ZNF37A: variants seen among roughly 807,000 people sequenced by gnomAD.
ZNF37A encodes zinc finger protein 37a (KOX 21).
In ZNF37A, 10 loss-of-function variants were observed where a neutral mutation model predicts 12.3. That is an observed-to-expected ratio of 0.82 (90% CI 0.50 to 1.38). ZNF37A has a LOEUF of 1.38. Among genes scored for constraint, ZNF37A ranks in the 40% most tolerant of loss-of-function variants. The pLI, the probability that ZNF37A is intolerant of heterozygous loss-of-function variation, is 0.00. For missense variants in ZNF37A, 580 were observed against 651.2 expected (o/e 0.89, Z 1.19); for synonymous variants, 207 against 223.0 (o/e 0.93, Z 0.64).
chr10:38,106,811 G>A (rs1026907759), intron 5 of ZNF37A, among the ~76,000 whole-genome samples: 2 of 152,040 alleles, frequency 1.3e-5, no homozygotes, highest in African/African-American at 4.8e-5. Context: ...AGAGAAAAAA[G>A]AATGAAAAGG....
In ZNF37A at chr10:38,117,764, T is replaced by C. The variant is rs200021466; in HGVS notation, c.613T>C (p.Cys205Arg). The C allele has an allele frequency of 4.3e-6, 7 of 1,614,030 alleles. No individual in the cohort carries two copies. The East Asian group carries it at 1.6e-4, about 36-fold the overall frequency. ...AAGAGAAAACCACTATGGTAATGAA[T>C]GTGGAGAAAATATCTTTGAGGAATC... is the stretch of plus-strand genomic sequence containing the variant. ...HPRENHYGNE[C>R]GENIFEESIL... The change falls in exon 8 of 8, where the codon TGT (cysteine) becomes CGT (arginine). Residue 205 changes from cysteine to arginine, a missense_variant. Transcript: ENST00000685332.
chr10:38,108,045 A>C (rs1380499687), intron 5 of ZNF37A, among the ~76,000 whole-genome samples: 2 of 152,200 alleles, frequency 1.3e-5, no homozygotes, highest in African/African-American at 4.8e-5. Context: ...AATTAACAGA[A>C]TATAGATTCT....
intron 5 of ZNF37A, among the ~76,000 whole-genome samples, chr10:38,112,316 G>T (rs1452267004): frequency 6.6e-6 from 1 of 152,028 alleles, no homozygotes; most frequent in Non-Finnish European, 1.5e-5. Context: ...GTCTTTTGAG[G>T]TCTTTGCCAA....
rs1187506988 is a variant in ZNF37A, at chr10:38,117,733, A to G, written c.582A>G (p.Thr194=). 1 of 1,613,958 alleles carries G rather than the reference A, an allele frequency of 6.2e-7. No individual in the cohort carries two copies. The highest frequency in any genetic ancestry group is 1.7e-5 in the Admixed American group (1 of 59,944). The change falls in exon 8 of 8, where the codon ACA becomes ACG. Residue 194 remains threonine (T), a synonymous_variant. Transcript: ENST00000685332. ...CATTTTTCATCACTCATCAGCAAAC[A>G]CATCCAAGAGAAAACCACTATGGTA... ...DMSFFITHQQ[T]HPRENHYGNE...
intron 7 of ZNF37A, among the ~76,000 whole-genome samples, chr10:38,130,564 G>A (rs1039179096): frequency 1.3e-5 from 2 of 152,094 alleles, no homozygotes; most frequent in African/African-American, 4.8e-5. Flanking sequence ...GAGTTTAAGT[G>A]ATTCTCCTGC....
At chr10:38,101,122 G>A (rs1186088850) in intron 5 of ZNF37A, among the ~76,000 whole-genome samples, 1 of 152,092 alleles carries the variant, frequency 6.6e-6, no homozygotes, top group African/African-American at 2.4e-5. Context: ...TCCTCCTGTT[G>A]TGTTGGTTGC....
At chr10:38,112,767 T>C (rs1564932165) in intron 5 of ZNF37A, among the ~76,000 whole-genome samples, 3,021 of 63,004 alleles carry the variant, frequency 0.048, 352 homozygotes, top group African/African-American at 0.064. Context: ...TTTCTTTTCT[T>C]TTCTTTTCTT....
rs71007695 is a variant in ZNF37A, at chr10:38,097,583, C to CAAAAAAAAAAAAAAAAAA, written c.15+965_15+982dup. Among the ~76,000 whole-genome samples the CAAAAAAAAAAAAAAAAAA allele has an allele frequency of 5.2e-4, 32 of 61,946 alleles. 3 individuals carry two copies. The highest frequency in any genetic ancestry group is 8.1e-4 in the Non-Finnish European group (23 of 28,496). 40.6% of individuals were successfully genotyped at this position (61,946 alleles called of 152,430 possible). ...TGGGTGACAGAGTGAGACTCTGTCT[C>CAAAAAAAAAAAAAAAAAA]AAAAAAAAAAAAAAAAAAAAAAAAA... On this transcript the variant is annotated intron_variant, in intron 5 of 7. Coordinates refer to ENST00000685332, the MANE Select transcript of ZNF37A (RefSeq NM_001324250.3).
At chr10:38,103,157 T>C (rs1475126237) in intron 5 of ZNF37A, among the ~76,000 whole-genome samples, 1 of 152,164 alleles carries the variant, frequency 6.6e-6, no homozygotes. Flanking sequence ...CGTTAGTAAC[T>C]CTTGTTATTA....
intron 5 of ZNF37A, among the ~76,000 whole-genome samples, chr10:38,102,466 C>T (rs1480191445): frequency 1.3e-5 from 2 of 152,116 alleles, no homozygotes; most frequent in African/African-American, 4.8e-5. Flanking sequence ...TTGTCCCTGT[C>T]TTTTGTCTTC....
intron 7 of ZNF37A, 71 bp from the exon 8 acceptor site, chr10:38,117,319 A>C: frequency 6.6e-7 from 1 of 1,520,454 alleles, no homozygotes; most frequent in South Asian, 1.4e-5. Flanking sequence ...CCATGCCTTC[A>C]AATATAATGC....
In ZNF37A at chr10:38,114,817, C is replaced by A. The variant is rs2069109892; in HGVS notation, c.78C>A (p.Asp26Glu). 6.2e-7 allele frequency: 1 copy of A among 1,613,884 alleles called. No individual in the cohort carries two copies. The highest frequency in any genetic ancestry group is 8.5e-7 in the Non-Finnish European group (1 of 1,179,980). Residue 26 changes from aspartate (D) to glutamate (E), a missense_variant, in exon 6 of 8, where the codon GAC becomes GAA. Asp to Glu is a conservative substitution (Grantham distance 45). Transcript: ENST00000685332. Reference sequence around the variant, plus strand: ...CTCAAGAGGAGTGGCAGCATCTGGACCCTGCTCAGAGGACCCTGTACAGGG... The same window carrying A: ...CTCAAGAGGAGTGGCAGCATCTGGAACCTGCTCAGAGGACCCTGTACAGGG... ...GFTQEEWQHLDPAQRTLYRDV... is the reference protein window; with the variant it reads ...GFTQEEWQHLEPAQRTLYRDV...
Position 38,114,752 on chromosome 10 carries a change from C to CA in ZNF37A, c.16-2dup. ...CAGACTGAGCAAAATTGTGATTTTC[C>CA]AGGGATCAGTGTCGTTTAGGGATGT... On this transcript the variant is annotated splice_polypyrimidine_tract_variant and splice_region_variant and intron_variant, in intron 5 of 7. Transcript: ENST00000685332. 6.2e-7 allele frequency: 1 copy of CA among 1,613,810 alleles called. No individual in the cohort carries two copies. The highest frequency in any genetic ancestry group is 8.5e-7 in the Non-Finnish European group (1 of 1,179,928).
At position 38,112,735 on chromosome 10, in the gene ZNF37A, CT is replaced by C. The variant is rs1225969782; in HGVS notation, c.16-2016del. On this transcript the variant is annotated intron_variant, in intron 5 of 7. Transcript: ENST00000685332. The stretch of plus-strand genomic sequence containing the variant: ...CAATTCTGTATTTTACATCCATTTT[CT>C]TTTCTTTTCTTTTCTTTTCTTTTCT... 2.1e-4 allele frequency among the ~76,000 whole-genome samples: 5 copies of C among 24,100 alleles called. 1 individual carries two copies. Among genetic ancestry groups the C allele is most frequent in the Non-Finnish European group, 3.5e-4 (4 of 11,574 alleles). 15.8% of individuals were successfully genotyped at this position (24,100 alleles called of 152,430 possible).
chr10:38,137,583 T>G (rs1252539307), intron 7 of ZNF37A: 2 of 152,222 alleles, frequency 1.3e-5, no homozygotes, highest in Non-Finnish European at 2.9e-5. Flanking sequence ...CCCTGGTGTT[T>G]GGAAGGCCAG....
At position 38,102,035 on chromosome 10, in the gene ZNF37A, C is replaced by T. The variant is rs57907668; in HGVS notation, c.15+5403C>T. Among the ~76,000 whole-genome samples the T allele has an allele frequency of 4.2e-3, 632 of 151,976 alleles. 32 individuals are homozygous for T. The East Asian group carries it at 0.098, about 23-fold the overall frequency. The stretch of plus-strand genomic sequence containing the variant: ...TTCTTTTAGTAGAGACGGGGTTTCA[C>T]GGTATTGGCCAGGCTGGTCTCAAAC... On this transcript the variant is annotated intron_variant, in intron 5 of 7. Coordinates refer to ENST00000685332, the MANE Select transcript of ZNF37A (RefSeq NM_001324250.3).
chr10:38,149,131 C>T (rs1220070633), exon 8 of ZNF37A: 1 of 152,142 alleles, frequency 6.6e-6, no homozygotes, highest in Non-Finnish European at 1.5e-5. Context: ...AGCCACCACA[C>T]CAAGCCATAT....
chr10:38,137,912 A>T (rs886526496), intron 7 of ZNF37A: 1 of 152,186 alleles, frequency 6.6e-6, no homozygotes, highest in Admixed American at 6.6e-5. Flanking sequence ...TCTCCTAAGG[A>T]TCAGTTTTAA....
At chr10:38,130,506 G>T (rs527902371), downstream of ZNF37A, among the ~76,000 whole-genome samples, 1 of 152,230 alleles carries the variant, frequency 6.6e-6, no homozygotes, top group African/African-American at 2.4e-5. Flanking sequence ...TGTCACCCAG[G>T]CTGGAGTGCA....
Sources: allele counts gnomAD v4.1 joint callset (sites outside exome capture counted in the v4.1 genomes callset), GRCh38; gene constraint gnomAD v4.1.1; transcripts MANE v1.5; gene names NCBI Gene and HGNC (gene_info 2026-07-23, HGNC 2026-07-21).